PCDH15: variants seen among roughly 807,000 people sequenced by gnomAD.
PCDH15 encodes protocadherin-15.
A neutral mutation model predicts 178.5 loss-of-function variants in PCDH15; 129 were observed. That is an observed-to-expected ratio of 0.72 (90% confidence interval 0.63 to 0.84). The LOEUF (loss-of-function observed/expected upper bound fraction) is 0.84, where lower values mean the gene tolerates loss of function less well. Ranked by LOEUF, PCDH15 falls within the 40% of genes least tolerant of loss-of-function variation. The pLI is 0.00. For missense variants in PCDH15, 2,230 were observed against 2,099.9 expected (o/e 1.06, Z -1.21); for synonymous variants, 800 against 732.0 (o/e 1.09, Z -1.50).
rs187532265 is a variant in PCDH15 at position 53,943,434 on chromosome 10, C to T, written c.3123-2459G>A. On this transcript the variant is annotated intron_variant, in intron 23 of 37. Coordinates refer to ENST00000644397, the MANE Select transcript of PCDH15 (RefSeq NM_001384140.1). The stretch of plus-strand genomic sequence containing the variant: ...GAGGTTGCAATGAGCCAAGATCACG[C>T]CACTGCACTACAGTCTGGGCAACAG... Among the ~76,000 whole-genome samples, 202 of 151,904 alleles carry T rather than the reference C, an allele frequency of 1.3e-3. 1 individual carries two copies. Among genetic ancestry groups the T allele is most frequent in the Non-Finnish European group, 1.0e-3 (69 of 67,966 alleles).
intron 2 of PCDH15, among the ~76,000 whole-genome samples, chr10:54,612,060 C>G (rs2134257834): frequency 6.6e-6 from 1 of 151,956 alleles, no homozygotes; most frequent in East Asian, 1.9e-4. Flanking sequence ...TTTGAACCTT[C>G]TGGTTATTTC....
intron 2 of PCDH15, among the ~76,000 whole-genome samples, chr10:55,122,528 T>G (rs566051623): frequency 6.6e-6 from 1 of 152,058 alleles, no homozygotes; most frequent in African/African-American, 2.4e-5. Flanking sequence ...GGGCACAATA[T>G]AAGATTAGGC....
intron 1 of PCDH15, among the ~76,000 whole-genome samples, chr10:55,237,607 T>G (rs1035949478): frequency 1.3e-5 from 2 of 151,758 alleles, no homozygotes; most frequent in East Asian, 3.9e-4. Flanking sequence ...AATTTGATGC[T>G]GTATAATTCT....
chr10:54,454,907 A>G (rs951056444), intron 3 of PCDH15, among the ~76,000 whole-genome samples: 5 of 152,162 alleles, frequency 3.3e-5, no homozygotes, highest in Admixed American at 6.6e-5. Context: ...ATCATCTTGA[A>G]TTGTAATTCC....
intron 6 of PCDH15, among the ~76,000 whole-genome samples, chr10:54,335,432 G>A (rs1940879632): frequency 6.6e-6 from 1 of 152,074 alleles, no homozygotes; most frequent in Non-Finnish European, 1.5e-5. Context: ...ATATGGTTTG[G>A]GTGTGTCCTC....
At chr10:55,529,826 G>A (rs1841409546) in intron 2 of PCDH15, among the ~76,000 whole-genome samples, 1 of 140,926 alleles carries the variant, frequency 7.1e-6, no homozygotes, top group Non-Finnish European at 1.5e-5. Context: ...CTAAAAGTGT[G>A]CCAGAATTAG....
At chr10:53,960,772 G>A (rs968619260) in intron 22 of PCDH15, among the ~76,000 whole-genome samples, 11 of 152,092 alleles carry the variant, frequency 7.2e-5, no homozygotes, top group African/African-American at 1.4e-4. Context: ...TCCAAACAGC[G>A]GTAAAATCAT....
Position 53,975,486 on chromosome 10 carries a change from C to T in PCDH15, c.2869-13594G>A, listed in dbSNP as rs148971912. 7.2e-5 allele frequency among the ~76,000 whole-genome samples: 11 copies of T among 152,016 alleles called. No homozygotes were observed. The East Asian group carries it at 1.4e-3, about 19-fold the overall frequency. On this transcript the variant is annotated intron_variant, in intron 21 of 37. Transcript: ENST00000644397. Reference sequence around the variant, plus strand: ...AATAATCAATACTCTGACTGGTGTGCGGTGGTATTTTACTGTGGTTTTGAT... The same window carrying T: ...AATAATCAATACTCTGACTGGTGTGTGGTGGTATTTTACTGTGGTTTTGAT...
At chr10:53,971,544 A>C (rs1277217419) in intron 21 of PCDH15, among the ~76,000 whole-genome samples, 1 of 152,156 alleles carries the variant, frequency 6.6e-6, no homozygotes, top group Non-Finnish European at 1.5e-5. Flanking sequence ...CAACCCCATC[A>C]TCTCAGCCCA....
intron 1 of PCDH15, among the ~76,000 whole-genome samples, chr10:54,759,519 C>A (rs987207865): frequency 1.3e-5 from 2 of 152,128 alleles, no homozygotes; most frequent in African/African-American, 2.4e-5. Context: ...AAACAACCTG[C>A]ATGTATGCAG....
intron 1 of PCDH15, among the ~76,000 whole-genome samples, chr10:54,764,699 G>C (rs1948297631): frequency 6.6e-6 from 1 of 152,080 alleles, no homozygotes; most frequent in Non-Finnish European, 1.5e-5. Flanking sequence ...TAAGAGGTAA[G>C]CATGCAGGAT....
At chr10:54,153,387 G>GA (rs1479510668) in intron 13 of PCDH15, 94 bp from the exon 14 acceptor site, 10 of 1,382,122 alleles carry the variant, frequency 7.2e-6, no homozygotes, top group East Asian at 4.7e-5. Flanking sequence ...TGCTTTCAAA[G>GA]AAAAAAACAC....
At chr10:55,074,296 C>T (rs1168235642) in intron 2 of PCDH15, among the ~76,000 whole-genome samples, 1 of 152,074 alleles carries the variant, frequency 6.6e-6, no homozygotes, top group Admixed American at 6.6e-5. Context: ...ACAGTATCTT[C>T]CACAATGGTT....
At chr10:54,743,138 G>GC (rs1172900490) in intron 1 of PCDH15, among the ~76,000 whole-genome samples, 1 of 152,002 alleles carries the variant, frequency 6.6e-6, no homozygotes, top group Non-Finnish European at 1.5e-5. Context: ...AAATGGAATG[G>GC]CAAGTGAAAA....
At chr10:53,944,586 G>C (rs904645363) in intron 23 of PCDH15, among the ~76,000 whole-genome samples, 4 of 152,082 alleles carry the variant, frequency 2.6e-5, no homozygotes, top group African/African-American at 9.7e-5. Context: ...ACAAATAATT[G>C]TGAGTGTCTG....
chr10:54,236,370 G>A (rs1222426115), intron 9 of PCDH15, among the ~76,000 whole-genome samples: 1 of 151,712 alleles, frequency 6.6e-6, no homozygotes, highest in African/African-American at 2.4e-5. Context: ...GGCTAATCGT[G>A]CTCTCTCACC....
chr10:54,194,062 G>GAA (rs10629717), intron 11 of PCDH15, among the ~76,000 whole-genome samples: 12,112 of 117,794 alleles, frequency 0.1, 862 homozygotes, highest in African/African-American at 0.21. Context: ...AGGAAAGATT[G>GAA]AAAAAAAAAA....
chr10:55,335,829 A>G (rs1844371262), intron 2 of PCDH15, among the ~76,000 whole-genome samples: 1 of 152,154 alleles, frequency 6.6e-6, no homozygotes, highest in Admixed American at 6.6e-5. Flanking sequence ...CATAATAGCT[A>G]TAGTTTTAAA....
chr10:54,817,161 G>A lies in PCDH15; in HGVS notation c.-29+80289C>T, dbSNP rs558923180. Among the ~76,000 whole-genome samples, 37 of 151,946 alleles carry A rather than the reference G, an allele frequency of 2.4e-4. No homozygotes were observed. In the South Asian group the frequency reaches 7.7e-3, roughly 32 times the overall value. On this transcript the variant is annotated intron_variant, in intron 3 of 5. Transcript: ENST00000458638. ...ACATTATATATGTAAAATACATTAAGAGAAATTTTCAGTAAAATCAGTCTT... is the reference window on the plus strand; with the variant it reads ...ACATTATATATGTAAAATACATTAAAAGAAATTTTCAGTAAAATCAGTCTT...
Sources: gnomAD v4.1 joint callset for allele counts (sites outside exome capture counted in the v4.1 genomes callset) on GRCh38, gnomAD v4.1.1 for gene constraint, MANE v1.5 for transcripts, NCBI Gene and HGNC (gene_info 2026-07-23, HGNC 2026-07-21) for gene names.